RYR2: variants seen among roughly 807,000 people sequenced by gnomAD.
RYR2 encodes the protein cardiac muscle ryanodine receptor-calcium release channel.
A neutral mutation model predicts 601.1 loss-of-function variants in RYR2; 227 were observed. The observed-to-expected ratio is 0.38, with a 90% CI of 0.34 to 0.42. The LOEUF is 0.42. RYR2 is among the 10% of genes least tolerant of loss of function. The pLI, the probability that RYR2 is intolerant of heterozygous loss-of-function variation, is 1.00. For missense variants in RYR2, 4,646 were observed against 6,156.5 expected, an observed-to-expected ratio of 0.75 and a Z score of 8.21; for synonymous variants, 2,223 against 2,175.1, an observed-to-expected ratio of 1.02 and a Z score of -0.61.
intron 1 of RYR2, among the ~76,000 whole-genome samples, chr1:237,101,628 T>G (rs1473207687): frequency 6.6e-6 from 1 of 152,210 alleles, no homozygotes; most frequent in Non-Finnish European, 1.5e-5. Flanking sequence ...AGCTAATTAA[T>G]AGTACAAGGC....
chr1:237,508,469 AAAAC>A (rs1191911675), intron 23 of RYR2, among the ~76,000 whole-genome samples: 8 of 151,446 alleles, frequency 5.3e-5, no homozygotes, highest in Admixed American at 1.3e-4. Context: ...TAAAAAAAAA[AAAAC>A]AAACAAAATG....
rs188551590 is a variant in RYR2, at chr1:237,095,538, G to A, written c.48+52969G>A. Among the ~76,000 whole-genome samples, 1,384 of 152,296 alleles carry A rather than the reference G, an allele frequency of 9.1e-3. 32 individuals carry two copies. Among genetic ancestry groups the A allele is most frequent in the Middle Eastern group, 0.024 (7 of 294 alleles). On this transcript the variant is annotated intron_variant, in intron 1 of 104. Transcript: ENST00000366574. ...AATTTTAGCTGACAGCAGCACTGCC[G>A]ACATCTCTTTCTCACTCAAGGGAAG...
At chr1:237,213,113 T>C (rs1438140248) in intron 1 of RYR2, among the ~76,000 whole-genome samples, 6 of 150,430 alleles carry the variant, frequency 4.0e-5, no homozygotes, top group Non-Finnish European at 5.9e-5. Flanking sequence ...GCCATTCCAG[T>C]AGTTTTTTTA....
At chr1:237,766,050 C>T (rs1693825398) in intron 84 of RYR2, among the ~76,000 whole-genome samples, 1 of 151,908 alleles carries the variant, frequency 6.6e-6, no homozygotes, top group Non-Finnish European at 1.5e-5. Flanking sequence ...CATTCCAATG[C>T]GAGGGAACAG....
At chr1:237,556,880 CA>C (rs869116177) in intron 27 of RYR2, among the ~76,000 whole-genome samples, 141 of 77,804 alleles carry the variant, frequency 1.8e-3, no homozygotes, top group African/African-American at 3.2e-3. Flanking sequence ...TCCCTCCCAC[CA>C]AAAAAAAAAA....
intron 24 of RYR2, among the ~76,000 whole-genome samples, chr1:237,520,630 A>C (rs1351262697): frequency 6.6e-6 from 1 of 152,186 alleles, no homozygotes; most frequent in Non-Finnish European, 1.5e-5. Context: ...ATGTTGAACC[A>C]TCCTTGTGTC....
chr1:237,249,825 A>G (rs1235870281), intron 1 of RYR2, among the ~76,000 whole-genome samples: 1 of 152,222 alleles, frequency 6.6e-6, no homozygotes, highest in African/African-American at 2.4e-5. Flanking sequence ...ACACTCACTG[A>G]ACATCTGTTA....
intron 5 of RYR2, among the ~76,000 whole-genome samples, chr1:237,368,964 C>T (rs1050674152): frequency 6.6e-6 from 1 of 152,074 alleles, no homozygotes; most frequent in African/African-American, 2.4e-5. Context: ...GCTGGGATTA[C>T]AGGCAGGCAT....
intron 68 of RYR2, 146 bp from the exon 69 acceptor site, chr1:237,708,712 A>G: frequency 3.5e-6 from 2 of 574,654 alleles, no homozygotes; most frequent in Non-Finnish European, 2.9e-6. Flanking sequence ...TTGGACTAGA[A>G]AAATGGCTGA....
intron 4 of RYR2, among the ~76,000 whole-genome samples, chr1:237,361,372 G>C (rs189538618): frequency 6.6e-6 from 1 of 152,256 alleles, no homozygotes; most frequent in East Asian, 1.9e-4. Context: ...CAAAGGAGAG[G>C]TTACCGGTTG....
chr1:237,694,200 A>G (rs889236176), intron 63 of RYR2, among the ~76,000 whole-genome samples: 63 of 151,384 alleles, frequency 4.2e-4, no homozygotes, highest in Non-Finnish European at 8.7e-4. Context: ...AGGCTGAGGC[A>G]GGAGAATGGC....
At chr1:237,080,743 C>G (rs971525602) in intron 1 of RYR2, among the ~76,000 whole-genome samples, 2 of 74,638 alleles carry the variant, frequency 2.7e-5, no homozygotes, top group Non-Finnish European at 5.7e-5. Context: ...GGATCTAGAA[C>G]TAGAAATACC....
chr1:237,688,319 G>A (rs1232018208), intron 63 of RYR2, among the ~76,000 whole-genome samples: 2 of 151,914 alleles, frequency 1.3e-5, no homozygotes, highest in Admixed American at 1.3e-4. Context: ...GGTATTATAA[G>A]TTCAATTCTA....
chr1:237,533,438 C>T (rs1194776940), intron 25 of RYR2, among the ~76,000 whole-genome samples: 5 of 152,118 alleles, frequency 3.3e-5, no homozygotes, highest in Admixed American at 2.0e-4. Flanking sequence ...TTCGCACCGA[C>T]GAGCAGGCAA....
intron 1 of RYR2, among the ~76,000 whole-genome samples, chr1:237,209,256 A>G (rs1005482956): frequency 1.3e-5 from 2 of 151,520 alleles, no homozygotes; most frequent in African/African-American, 4.8e-5. Context: ...AAAGACATGC[A>G]TTATATGAAC....
chr1:237,805,001 G>A (rs1773459), intron 98 of RYR2, among the ~76,000 whole-genome samples: 29,003 of 151,914 alleles, frequency 0.19, 3,256 homozygotes, highest in East Asian at 0.5. Context: ...AGGTGGGGTC[G>A]GTGCTATTGG....
chr1:237,184,863 T>C (rs1317125), intron 1 of RYR2, among the ~76,000 whole-genome samples: 30,581 of 151,346 alleles, frequency 0.2, 5,080 homozygotes, highest in African/African-American at 0.46. Flanking sequence ...TTATCTTAGT[T>C]CTTTGTGAAG....
In RYR2 at chr1:237,369,589, G is replaced by A. The variant is rs727503396; in HGVS notation, c.365G>A (p.Arg122His). 4 of 1,562,588 alleles carry A rather than the reference G, an allele frequency of 2.6e-6. No individual in the cohort carries two copies. Among genetic ancestry groups the A allele is most frequent in the East Asian group, 2.4e-5 (1 of 42,426 alleles). Residue 122 changes from arginine (R) to histidine (H), a missense_variant, in exon 6 of 105, where the codon CGC becomes CAC. Coordinates refer to ENST00000366574, the MANE Select transcript of RYR2 (RefSeq NM_001035.3). The stretch of plus-strand genomic sequence containing the variant: ...CTCTACGGACATGCCATATTGCTGC[G>A]CCATTCCTATAGTGGCATGGTGAGT... The part of the protein sequence containing the change: ...TLLYGHAILL[R>H]HSYSGMYLCC...
chr1:237,799,464 AATAGTTTTAAATTGGCATAGTT>A (rs1205989944), intron 97 of RYR2, among the ~76,000 whole-genome samples: 1 of 152,212 alleles, frequency 6.6e-6, no homozygotes, highest in Non-Finnish European at 1.5e-5. Flanking sequence ...ACTATGAAGA[AATAGTTTTAAATTGGCATAGTT>A]TTCTACCATT....
Sources: gnomAD v4.1 joint callset for allele counts (sites outside exome capture counted in the v4.1 genomes callset) on GRCh38, gnomAD v4.1.1 for gene constraint, MANE v1.5 for transcripts, NCBI Gene and HGNC (gene_info 2026-07-23, HGNC 2026-07-21) for gene names.